The following ABTB2 variants were observed in gnomAD, a reference collection of about 807,000 sequenced individuals.
ABTB2 encodes ankyrin repeat and BTB/POZ domain-containing protein 2.
A neutral mutation model predicts 104.1 loss-of-function variants in ABTB2; 56 were observed. That is an observed-to-expected ratio of 0.54 (90% CI 0.43 to 0.67). The LOEUF (loss-of-function observed/expected upper bound fraction) is 0.67. Among genes scored for constraint, ABTB2 ranks in the 30% least tolerant of loss-of-function variants. The pLI is 0.00. For missense variants in ABTB2, 1,279 were observed against 1,407.7 expected, an observed-to-expected ratio of 0.91 and a Z score of 1.46; for synonymous variants, 606 against 608.2, an observed-to-expected ratio of 1.00 and a Z score of 0.05.
At chr11:34,215,407 C>A (rs1421558527) in intron 1 of ABTB2, among the ~76,000 whole-genome samples, 3 of 152,220 alleles carry the variant, frequency 2.0e-5, no homozygotes, top group African/African-American at 7.2e-5. Flanking sequence ...AGGCCCAGGG[C>A]AGATGGCCAA....
chr11:34,157,071 C>A (rs966779050), intron 14 of ABTB2, among the ~76,000 whole-genome samples: 7 of 152,270 alleles, frequency 4.6e-5, no homozygotes, highest in Non-Finnish European at 5.9e-5. Flanking sequence ...GCATGAGAGT[C>A]AATGCGGTAT....
rs185877056 is a variant in ABTB2, at chr11:34,207,214, T to C, written c.884-2524A>G. Among the ~76,000 whole-genome samples the C allele has an allele frequency of 2.0e-4, 30 of 152,360 alleles. 1 individual carries two copies. Among genetic ancestry groups the C allele is most frequent in the African/African-American group, 5.5e-4 (23 of 41,588 alleles). On this transcript the variant is annotated intron_variant, in intron 1 of 16. Coordinates refer to ENST00000435224, the MANE Select transcript of ABTB2 (RefSeq NM_145804.3). ...TGACTCCTCCTCCTTTCTCCATTAT[T>C]AATCTACAGAAACAACACTGGAGAC...
chr11:34,345,517 A>G (rs1371776924), intron 1 of ABTB2, among the ~76,000 whole-genome samples: 1 of 152,082 alleles, frequency 6.6e-6, no homozygotes, highest in East Asian at 1.9e-4. Flanking sequence ...TCTCCCCTAC[A>G]CAGTCCTCAG....
At position 34,157,448 on chromosome 11, in the gene ABTB2, G is replaced by A. The variant is rs541507850; in HGVS notation, c.2697+1848C>T. Among the ~76,000 whole-genome samples the A allele has an allele frequency of 3.3e-5, 5 of 152,282 alleles. No individual in the cohort carries two copies. In the East Asian group the frequency reaches 7.7e-4, roughly 24 times the overall value. On this transcript the variant is annotated intron_variant, in intron 14 of 16. Coordinates refer to ENST00000435224, the MANE Select transcript of ABTB2 (RefSeq NM_145804.3). ...CTTGGCCTGGCAGGTGAGCACAGGC[G>A]ACTGAGCCCGCACAGGTCCCCTTAC...
chr11:34,158,282 G>T (rs529563903), intron 14 of ABTB2, among the ~76,000 whole-genome samples: 1 of 152,110 alleles, frequency 6.6e-6, no homozygotes, highest in Non-Finnish European at 1.5e-5. Context: ...GTGTGGTGGC[G>T]GGCGCCTGTA....
chr11:34,287,144 C>T (rs1854514703), intron 1 of ABTB2, among the ~76,000 whole-genome samples: 1 of 139,652 alleles, frequency 7.2e-6, no homozygotes, highest in Admixed American at 7.5e-5. Context: ...CCCAGGAGTT[C>T]AAGACCAGCC....
chr11:34,268,850 G>T (rs577087694), intron 1 of ABTB2, among the ~76,000 whole-genome samples: 2 of 152,228 alleles, frequency 1.3e-5, no homozygotes, highest in African/African-American at 4.8e-5. Context: ...GTATTCAGAT[G>T]CCCCTCTTAC....
intron 1 of ABTB2, among the ~76,000 whole-genome samples, chr11:34,221,897 G>C (rs554074520): frequency 6.6e-6 from 1 of 152,250 alleles, no homozygotes; most frequent in South Asian, 2.1e-4. Flanking sequence ...AAATTAGCTG[G>C]ACATGGTGGT....
chr11:34,263,036 GC>G (rs1209323500), intron 1 of ABTB2, among the ~76,000 whole-genome samples: 1 of 152,200 alleles, frequency 6.6e-6, no homozygotes, highest in Non-Finnish European at 1.5e-5. Flanking sequence ...CTCACTCACA[GC>G]CCAGGGCCCT....
Position 34,184,026 on chromosome 11 carries a change from T to A in ABTB2, c.1245-10719A>T, listed in dbSNP as rs996870505. Among the ~76,000 whole-genome samples, 5 of 151,764 alleles carry A rather than the reference T, an allele frequency of 3.3e-5. No homozygotes were observed. In the East Asian group the frequency reaches 9.7e-4, roughly 29 times the overall value. On this transcript the variant is annotated intron_variant, in intron 3 of 16. Coordinates refer to ENST00000435224, the MANE Select transcript of ABTB2 (RefSeq NM_145804.3). ...CCTGCTTGCTGGGCTTAAGCGATCCTCCCATCTCAGCCACCAGGCCTGGCT... is the reference window on the plus strand; with the variant it reads ...CCTGCTTGCTGGGCTTAAGCGATCCACCCATCTCAGCCACCAGGCCTGGCT...
chr11:34,161,134 G>T, intron 10 of ABTB2, 53 bp from the exon 11 acceptor site: 1 of 1,504,874 alleles, frequency 6.6e-7, no homozygotes. Flanking sequence ...GAGCGCTCCC[G>T]GCACAGACCA....
chr11:34,186,241 C>G (rs1853096703), intron 3 of ABTB2, among the ~76,000 whole-genome samples: 1 of 152,226 alleles, frequency 6.6e-6, no homozygotes, highest in Admixed American at 6.5e-5. Flanking sequence ...CCCTCAAATC[C>G]ACAAATATTA....
intron 1 of ABTB2, among the ~76,000 whole-genome samples, chr11:34,263,816 T>C (rs1043625812): frequency 1.3e-5 from 2 of 152,072 alleles, no homozygotes; most frequent in Admixed American, 1.3e-4. Flanking sequence ...ACGACACACA[T>C]CAGGCATGCG....
intron 1 of ABTB2, among the ~76,000 whole-genome samples, chr11:34,300,387 C>T (rs544004451): frequency 8.0e-4 from 122 of 152,354 alleles, no homozygotes; most frequent in Admixed American, 1.7e-3. Flanking sequence ...AGGCTGGCTG[C>T]TCCACCCCAG....
chr11:34,157,720 C>T (rs1852649727), intron 14 of ABTB2, among the ~76,000 whole-genome samples: 1 of 152,228 alleles, frequency 6.6e-6, no homozygotes, highest in African/African-American at 2.4e-5. Context: ...CCGTCAGTTA[C>T]CAAGTTCCAA....
intron 1 of ABTB2, among the ~76,000 whole-genome samples, chr11:34,313,374 T>C (rs1483262850): frequency 3.2e-4 from 48 of 152,134 alleles, no homozygotes; most frequent in Non-Finnish European, 2.9e-5. Flanking sequence ...CTGACCACAT[T>C]CTTTGAAGTG....
intron 1 of ABTB2, among the ~76,000 whole-genome samples, chr11:34,334,768 G>T (rs1855173192): frequency 6.9e-6 from 1 of 145,750 alleles, no homozygotes; most frequent in Non-Finnish European, 1.5e-5. Flanking sequence ...TAATATTTGG[G>T]TTTTTTTTTT....
intron 1 of ABTB2, among the ~76,000 whole-genome samples, chr11:34,268,100 T>G (rs978382258): frequency 6.6e-6 from 1 of 152,060 alleles, no homozygotes; most frequent in Non-Finnish European, 1.5e-5. Flanking sequence ...TCGGCTAACT[T>G]TTTAATTTTT....
intron 1 of ABTB2, among the ~76,000 whole-genome samples, chr11:34,331,798 G>A (rs901535939): frequency 1.3e-5 from 2 of 152,188 alleles, no homozygotes; most frequent in Non-Finnish European, 2.9e-5. Context: ...TTGCAAGACT[G>A]CGGGAAAAAG....
Sources: allele counts gnomAD v4.1 joint callset (sites outside exome capture counted in the v4.1 genomes callset), GRCh38; gene constraint gnomAD v4.1.1; transcripts MANE v1.5; gene names NCBI Gene and HGNC (gene_info 2026-07-23, HGNC 2026-07-21).